The following PCSK5 variants were observed in gnomAD, a reference collection of about 807,000 sequenced individuals.
PCSK5 encodes the protein proprotein convertase subtilisin/kexin type 5.
In PCSK5, 129 loss-of-function variants were observed where a neutral mutation model predicts 233.2. The ratio of observed to expected loss-of-function variants is 0.55; its 90% CI spans 0.48 to 0.64. PCSK5 has a LOEUF of 0.64. Among genes scored for constraint, PCSK5 ranks in the 30% least tolerant of loss-of-function variants. The pLI is 0.00. For missense variants in PCSK5, 2,076 were observed against 2,430.1 expected, an observed-to-expected ratio of 0.85 and a Z score of 3.06; for synonymous variants, 825 against 879.2, an observed-to-expected ratio of 0.94 and a Z score of 1.09.
chr9:75,978,778 A>G (rs1826135227), intron 2 of PCSK5, among the ~76,000 whole-genome samples: 1 of 152,150 alleles, frequency 6.6e-6, no homozygotes, highest in Non-Finnish European at 1.5e-5. Context: ...TCAAAGGATT[A>G]AGTCACTGTG....
rs1236970445 is a variant in PCSK5 at position 76,323,195 on chromosome 9, T to C, written c.4246T>C (p.Cys1416Arg). 3 of 1,612,772 alleles carry C rather than the reference T, an allele frequency of 1.9e-6. No individual in the cohort carries two copies. The highest frequency in any genetic ancestry group is 2.5e-6 in the Non-Finnish European group (3 of 1,179,816). ...SGPKADDCEL[C>R]LESSWVLYDG... ...CCCCAAAGCCGACGACTGCGAGCTC[T>C]GTCTTGAGAGTTCCTGGGTCCTCTA... The change falls in exon 32 of 38, where the codon TGT becomes CGT. Residue 1416 changes from cysteine to arginine, a missense_variant. Cys to Arg is a radical substitution (Grantham distance 180). Transcript: ENST00000674117.
intron 20 of PCSK5, among the ~76,000 whole-genome samples, chr9:76,199,149 A>G (rs377733979): frequency 7.2e-5 from 11 of 152,324 alleles, no homozygotes; most frequent in African/African-American, 2.2e-4. Context: ...TGATTTTGTC[A>G]TCATGCAAAC....
intron 3 of PCSK5, among the ~76,000 whole-genome samples, chr9:76,019,858 C>T (rs796163601): frequency 4.5e-4 from 69 of 152,186 alleles, no homozygotes; most frequent in African/African-American, 1.4e-3. Context: ...GTGATATTGG[C>T]TGTTTCTTAA....
intron 11 of PCSK5, among the ~76,000 whole-genome samples, chr9:76,157,850 A>C (rs956110627): frequency 5.3e-5 from 8 of 152,352 alleles, no homozygotes; most frequent in Admixed American, 4.6e-4. Context: ...AAAAAACAAA[A>C]GGGTGGAAAG....
At chr9:75,942,367 A>G (rs898664608) in intron 2 of PCSK5, among the ~76,000 whole-genome samples, 1 of 152,224 alleles carries the variant, frequency 6.6e-6, no homozygotes, top group Non-Finnish European at 1.5e-5. Context: ...TGTTGGGAGA[A>G]AGGGAGAAAG....
chr9:76,070,739 A>G lies in PCSK5; in HGVS notation c.722-987A>G, dbSNP rs1160920745. 3.9e-5 allele frequency among the ~76,000 whole-genome samples: 6 copies of G among 152,308 alleles called. No individual in the cohort carries two copies. In the East Asian group the frequency reaches 7.7e-4, roughly 20 times the overall value. On this transcript the variant is annotated intron_variant, in intron 6 of 37. Transcript: ENST00000674117. ...TATTTTTATTTCTACCAGTATTCCC[A>G]CCTCAGTTCACATAGTCTCTATCTA...
At chr9:76,075,306 C>T (rs973121213) in intron 7 of PCSK5, among the ~76,000 whole-genome samples, 2 of 151,980 alleles carry the variant, frequency 1.3e-5, no homozygotes, top group Non-Finnish European at 2.9e-5. Flanking sequence ...TTTGTTCTTC[C>T]TATGTCTGTA....
chr9:76,094,646 C>CA (rs1345578498), intron 7 of PCSK5, among the ~76,000 whole-genome samples: 7 of 151,992 alleles, frequency 4.6e-5, no homozygotes, highest in Non-Finnish European at 1.0e-4. Flanking sequence ...CTCTGTCGCC[C>CA]AGCTGGAGTG....
At chr9:75,993,639 C>T (rs1222609194) in intron 3 of PCSK5, among the ~76,000 whole-genome samples, 2 of 152,204 alleles carry the variant, frequency 1.3e-5, no homozygotes, top group African/African-American at 4.8e-5. Context: ...GGAAGACTTA[C>T]ATGACTCATC....
chr9:76,048,674 A>G (rs1286956386), intron 5 of PCSK5, among the ~76,000 whole-genome samples: 1 of 152,234 alleles, frequency 6.6e-6, no homozygotes, highest in African/African-American at 2.4e-5. Context: ...ATAAAAATAC[A>G]TGTAGTACAC....
chr9:75,896,243 T>C (rs1246406825), intron 1 of PCSK5, among the ~76,000 whole-genome samples: 2 of 152,230 alleles, frequency 1.3e-5, no homozygotes, highest in Non-Finnish European at 2.9e-5. Flanking sequence ...GCGTGTCTGC[T>C]GCATTAACCT....
chr9:76,147,955 A>T (rs1244316339), intron 10 of PCSK5, among the ~76,000 whole-genome samples: 3 of 152,124 alleles, frequency 2.0e-5, no homozygotes, highest in Non-Finnish European at 4.4e-5. Flanking sequence ...AACCTTTTCC[A>T]TTCTACTGCC....
chr9:76,096,128 T>C (rs1337156280), intron 8 of PCSK5, 26 bp downstream of exon 8: 7 of 1,505,306 alleles, frequency 4.7e-6, no homozygotes, highest in Non-Finnish European at 6.5e-6. Context: ...ATGCCCATCA[T>C]GATCTGTTTA....
chr9:76,311,796 G>A (rs1828872069), intron 30 of PCSK5, among the ~76,000 whole-genome samples: 1 of 152,140 alleles, frequency 6.6e-6, no homozygotes, highest in Non-Finnish European at 1.5e-5. Flanking sequence ...TTTCGCTCTT[G>A]TACCTTCCTT....
At chr9:76,177,599 A>G (rs1823671953) in intron 14 of PCSK5, among the ~76,000 whole-genome samples, 1 of 152,236 alleles carries the variant, frequency 6.6e-6, no homozygotes, top group African/African-American at 2.4e-5. Context: ...TATTTTAACT[A>G]GCAAACTATT....
intron 24 of PCSK5, among the ~76,000 whole-genome samples, chr9:76,265,801 A>C (rs545883410): frequency 6.6e-6 from 1 of 152,318 alleles, no homozygotes; most frequent in East Asian, 1.9e-4. Flanking sequence ...ACCACCTTCT[A>C]AAGCAAATGT....
intron 8 of PCSK5, 94 bp from the exon 9 acceptor site, chr9:76,107,157 A>C: frequency 3.0e-6 from 2 of 663,404 alleles, no homozygotes; most frequent in Non-Finnish European, 5.2e-6. Context: ...TATTTAACAT[A>C]TACCCCCATT....
chr9:76,046,178 T>TTTTTTTTTTTTTTG (rs1829378598), intron 5 of PCSK5, among the ~76,000 whole-genome samples: 1 of 120,368 alleles, frequency 8.3e-6, no homozygotes, highest in Non-Finnish European at 1.7e-5. Context: ...TTTTTTTTTT[T>TTTTTTTTTTTTTTG]TTTTTTTTTT....
Position 76,310,726 on chromosome 9 carries a change from G to A in PCSK5, c.3759G>A (p.Gly1253=), listed in dbSNP as rs1339148588. The change falls in exon 30 of 38, where the codon GGG becomes GGA. Residue 1253 remains glycine, a synonymous_variant. Coordinates refer to ENST00000674117, the MANE Select transcript of PCSK5 (RefSeq NM_001372043.1). ...GCACATGGCCTTCCGTAAGGAGTGG[G>A]AGCTGCGAGAACTGTACGGAGGCCT... is the stretch of plus-strand genomic sequence containing the variant. The part of the protein sequence containing the change: ...PQGTWPSVRS[G]SCENCTEACA... The A allele has an allele frequency of 1.2e-6, 2 of 1,612,076 alleles. No homozygotes were observed. Among genetic ancestry groups the A allele is most frequent in the Non-Finnish European group, 1.7e-6 (2 of 1,179,546 alleles).
Sources: gnomAD v4.1 joint callset for allele counts (sites outside exome capture counted in the v4.1 genomes callset) on GRCh38, gnomAD v4.1.1 for gene constraint, MANE v1.5 for transcripts, NCBI Gene and HGNC (gene_info 2026-07-23, HGNC 2026-07-21) for gene names.